The following PRKCB variants were observed in gnomAD, a reference collection of about 807,000 sequenced individuals.
The protein encoded by PRKCB is protein kinase C beta type.
Under a neutral mutation model 81.5 loss-of-function variants are expected in PRKCB, and 13 were observed. That is an observed-to-expected ratio of 0.16 (90% CI 0.10 to 0.25). PRKCB has a LOEUF of 0.25. PRKCB is among the 10% of genes least tolerant of loss of function. PRKCB has a pLI of 1.00. For missense variants in PRKCB, 509 were observed against 875.7 expected (o/e 0.58, Z 5.29); for synonymous variants, 335 against 321.4 (o/e 1.04, Z -0.45).
At chr16:24,097,795 G>A (rs2141904998) in intron 7 of PRKCB, among the ~76,000 whole-genome samples, 1 of 152,272 alleles carries the variant, frequency 6.6e-6, no homozygotes, top group Admixed American at 6.5e-5. Context: ...CCGGGTCATA[G>A]GTAGATTTTA....
intron 2 of PRKCB, among the ~76,000 whole-genome samples, chr16:23,928,457 C>T (rs1255652439): frequency 1.3e-5 from 2 of 152,104 alleles, no homozygotes; most frequent in African/African-American, 2.4e-5. Context: ...AGAGCTTGTG[C>T]AAGGCACTCT....
intron 10 of PRKCB, among the ~76,000 whole-genome samples, chr16:24,170,332 A>G (rs2141964787): frequency 6.6e-6 from 1 of 152,216 alleles, no homozygotes; most frequent in Non-Finnish European, 1.5e-5. Flanking sequence ...GTCAGAGATT[A>G]AAAAAAGAAA....
intron 2 of PRKCB, among the ~76,000 whole-genome samples, chr16:23,900,752 T>A (rs12597432): frequency 1.9e-5 from 2 of 102,636 alleles, no homozygotes; most frequent in Non-Finnish European, 3.9e-5. Flanking sequence ...TTTTTTTTTG[T>A]GGCTGTCCCA....
chr16:23,853,115 A>C (rs1231969069), intron 2 of PRKCB, among the ~76,000 whole-genome samples: 2 of 152,220 alleles, frequency 1.3e-5, no homozygotes, highest in Admixed American at 6.5e-5. Flanking sequence ...TCCACACAAT[A>C]ATTTAGCTCT....
rs538613693 is a variant in PRKCB at position 24,122,084 on chromosome 16, T to A, written c.919-1751T>A. 1.2e-4 allele frequency among the ~76,000 whole-genome samples: 18 copies of A among 152,274 alleles called. No individual in the cohort carries two copies. In the South Asian group the frequency reaches 3.3e-3, roughly 28 times the overall value. On this transcript the variant is annotated intron_variant, in intron 8 of 16. Coordinates refer to ENST00000643927, the MANE Select transcript of PRKCB (RefSeq NM_002738.7). The stretch of plus-strand genomic sequence containing the variant: ...TGGTTTGTAAGATGGTGACAAGTGT[T>A]TTAGAGAAAATCAAGTAAGTAAGGC...
At position 23,836,117 on chromosome 16, in the gene PRKCB, C is replaced by G; in HGVS notation, c.-59C>G. 3 of 1,141,650 alleles carry G rather than the reference C, an allele frequency of 2.6e-6. No individual in the cohort carries two copies. The highest frequency in any genetic ancestry group is 3.3e-6 in the Non-Finnish European group (3 of 922,488). The allele number at this position is 1,141,650 out of a possible 1,614,324, so 70.7% of individuals were successfully genotyped here. On this transcript the variant is annotated 5_prime_UTR_variant, in exon 1 of 17. Transcript: ENST00000643927. Reference sequence around the variant, plus strand: ...CCTCCCGCGCCTCCCCGGCCCGCAGCCCGCGGTCCCGCGGCCCCGGGGCCG... The same window carrying G: ...CCTCCCGCGCCTCCCCGGCCCGCAGGCCGCGGTCCCGCGGCCCCGGGGCCG...
At chr16:24,139,687 C>G (rs1356819394) in intron 9 of PRKCB, among the ~76,000 whole-genome samples, 1 of 152,224 alleles carries the variant, frequency 6.6e-6, no homozygotes, top group Non-Finnish European at 1.5e-5. Flanking sequence ...TTAATGCAAC[C>G]TGTCAATCTG....
chr16:24,012,817 G>T (rs1169974474), intron 3 of PRKCB, among the ~76,000 whole-genome samples: 1 of 152,202 alleles, frequency 6.6e-6, no homozygotes, highest in South Asian at 2.1e-4. Flanking sequence ...TGGCGTCAGG[G>T]TCCCTCCAGC....
At chr16:24,147,462 TGATG>T (rs780547157) in intron 9 of PRKCB, among the ~76,000 whole-genome samples, 71 of 152,264 alleles carry the variant, frequency 4.7e-4, no homozygotes, top group Non-Finnish European at 9.0e-4. Flanking sequence ...CTTGTAGACC[TGATG>T]GAAGAACTGG....
At chr16:24,174,644 T>G in intron 12 of PRKCB, 64 bp downstream of exon 12, 1 of 1,387,154 alleles carries the variant, frequency 7.2e-7, no homozygotes, top group Non-Finnish European at 1.0e-6. Context: ...GCCCTGCCTC[T>G]TTCTTCAGCT....
rs1968271889 is a variant in PRKCB at position 24,218,710 on chromosome 16, G to A, written c.*3894G>A. Reference sequence around the variant, plus strand: ...TAAACCTAAAGCCTGGGTGGTGATGGCTCAAACGCTAATGAGTCAGTGAAT... The same window carrying A: ...TAAACCTAAAGCCTGGGTGGTGATGACTCAAACGCTAATGAGTCAGTGAAT... On this transcript the variant is annotated 3_prime_UTR_variant, in exon 17 of 17. Coordinates refer to ENST00000643927, the MANE Select transcript of PRKCB (RefSeq NM_002738.7). 3 of 985,438 alleles carry A rather than the reference G, an allele frequency of 3.0e-6. No individual in the cohort carries two copies. In the African/African-American group the frequency reaches 5.2e-5, roughly 17 times the overall value. The allele number at this position is 985,438 out of a possible 1,614,324, so 61.0% of individuals were successfully genotyped here.
chr16:24,032,316 G>A, intron 4 of PRKCB, 69 bp downstream of exon 4: 2 of 1,172,066 alleles, frequency 1.7e-6, no homozygotes, highest in Admixed American at 1.9e-5. Flanking sequence ...CTTCCACTTG[G>A]TTTGGGGTCC....
At chr16:23,897,513 G>C (rs1963399030) in intron 2 of PRKCB, among the ~76,000 whole-genome samples, 1 of 152,146 alleles carries the variant, frequency 6.6e-6, no homozygotes. Context: ...ACATTATAGT[G>C]GCTGGAACCC....
chr16:23,885,972 CATTG>C (rs1478929706), intron 2 of PRKCB, among the ~76,000 whole-genome samples: 1 of 152,144 alleles, frequency 6.6e-6, no homozygotes, highest in Non-Finnish European at 1.5e-5. Context: ...AACAAACTTT[CATTG>C]ATTGATTGCC....
At chr16:24,008,326 C>T (rs1965156274) in intron 3 of PRKCB, among the ~76,000 whole-genome samples, 2 of 152,204 alleles carry the variant, frequency 1.3e-5, no homozygotes, top group Admixed American at 1.3e-4. Context: ...AGCTGCCTTT[C>T]CAGATATGCA....
At chr16:24,071,833 G>A (rs563329184) in intron 5 of PRKCB, among the ~76,000 whole-genome samples, 192 of 152,262 alleles carry the variant, frequency 1.3e-3, no homozygotes, top group South Asian at 2.5e-3. Context: ...GGGGGCCGAA[G>A]AGGGCGTTGA....
chr16:23,969,871 G>T (rs1964534084), intron 2 of PRKCB, among the ~76,000 whole-genome samples: 1 of 152,194 alleles, frequency 6.6e-6, no homozygotes, highest in African/African-American at 2.4e-5. Flanking sequence ...ATAGGTGTGT[G>T]TGTGTGTACG....
Position 24,024,996 on chromosome 16 carries a change from G to A in PRKCB, c.289-7140G>A, listed in dbSNP as rs112201778. 2.3e-3 allele frequency among the ~76,000 whole-genome samples: 349 copies of A among 152,284 alleles called. 4 individuals are homozygous for A. Among genetic ancestry groups the A allele is most frequent in the Middle Eastern group, 0.02 (6 of 294 alleles). On this transcript the variant is annotated intron_variant, in intron 3 of 16. Coordinates refer to ENST00000643927, the MANE Select transcript of PRKCB (RefSeq NM_002738.7). ...CTGGTCTGAAGGATTGGGGCAGTGGGTGGGTAGAGTTGGTGCCTACAAGTA... is the reference window on the plus strand; with the variant it reads ...CTGGTCTGAAGGATTGGGGCAGTGGATGGGTAGAGTTGGTGCCTACAAGTA...
At chr16:23,838,145 C>T in intron 2 of PRKCB, among the ~76,000 whole-genome samples, 1 of 152,196 alleles carries the variant, frequency 6.6e-6, no homozygotes, top group Non-Finnish European at 1.5e-5. Context: ...CAAATTGGCT[C>T]TCCAGGACCA....
Sources: allele counts gnomAD v4.1 joint callset (sites outside exome capture counted in the v4.1 genomes callset), GRCh38; gene constraint gnomAD v4.1.1; transcripts MANE v1.5; gene names NCBI Gene and HGNC (gene_info 2026-07-23, HGNC 2026-07-21).